The following ZNF69 variants were observed in gnomAD, a reference collection of about 807,000 sequenced individuals.
ZNF69 encodes the protein ZNF3.
A neutral mutation model predicts 50.9 loss-of-function variants in ZNF69; 47 were observed. That is an observed-to-expected ratio of 0.92 (90% CI 0.73 to 1.18). The LOEUF is 1.18. Among genes scored for constraint, ZNF69 ranks in the 50% most tolerant of loss-of-function variants. The pLI, the probability that ZNF69 is intolerant of heterozygous loss-of-function variation, is 0.00. For missense variants in ZNF69, 717 were observed against 675.1 expected, an observed-to-expected ratio of 1.06 and a Z score of -0.69; for synonymous variants, 216 against 223.1, an observed-to-expected ratio of 0.97 and a Z score of 0.29.
rs1277465777 is a variant in ZNF69, at chr19:11,905,476, A to T, written c.1079A>T (p.Tyr360Phe). The change falls in exon 4 of 4, where the codon TAT (tyrosine) becomes TTT (phenylalanine). Residue 360 changes from tyrosine to phenylalanine, a missense_variant. Physicochemically the swap from Tyr to Phe is conservative, Grantham distance 22. Transcript: ENST00000429654. ...HIRMHSGERPYECKICGKGFC... is the reference protein window; with the variant it reads ...HIRMHSGERPFECKICGKGFC... Reference sequence around the variant, plus strand: ...AGAATGCACTCTGGAGAAAGACCTTATGAATGTAAGATATGTGGGAAAGGC... The same window carrying T: ...AGAATGCACTCTGGAGAAAGACCTTTTGAATGTAAGATATGTGGGAAAGGC... 1.9e-6 allele frequency: 3 copies of T among 1,614,254 alleles called. No homozygotes were observed. The highest frequency in any genetic ancestry group is 2.5e-6 in the Non-Finnish European group (3 of 1,180,046).
At chr19:11,957,091 GT>G in the ZNF69 span, among the ~76,000 whole-genome samples, 599 of 146,686 alleles carry the variant, frequency 4.1e-3, 3 homozygotes, top group Middle Eastern at 0.034. Context: ...TAAGAAATAA[GT>G]TTTTTTTTTT....
At chr19:11,939,387 T>G in the ZNF69 span, among the ~76,000 whole-genome samples, 1 of 152,230 alleles carries the variant, frequency 6.6e-6, no homozygotes, top group Non-Finnish European at 1.5e-5. Context: ...TAATCCATCT[T>G]GAATTAATTT....
chr19:11,896,481 G>A lies in ZNF69; in HGVS notation c.64-7092G>A, dbSNP rs374202902. 4.6e-5 allele frequency among the ~76,000 whole-genome samples: 7 copies of A among 152,140 alleles called. No homozygotes were observed. In the South Asian group the frequency reaches 1.5e-3, roughly 32 times the overall value. ...TTGTGAAGTCCATGTTAAGGGAGCT[G>A]GCAGATCTAGTGTCTGGTAAGGGCC... On this transcript the variant is annotated intron_variant, in intron 1 of 3. Coordinates refer to ENST00000429654, the MANE Select transcript of ZNF69 (RefSeq NM_001364730.1).
At chr19:11,978,148 A>T in the ZNF69 span, 1 of 1,613,532 alleles carries the variant, frequency 6.2e-7, no homozygotes. Flanking sequence ...AATGAAATTA[A>T]AGAAGACAGT....
At chr19:11,965,008 T>C in the ZNF69 span, 1 of 487,222 alleles carries the variant, frequency 2.1e-6, no homozygotes, top group Non-Finnish European at 3.8e-6. Context: ...GCCCTGCCCA[T>C]TGTTTATCCA....
the ZNF69 span, among the ~76,000 whole-genome samples, chr19:11,974,093 C>T: frequency 1.1e-5 from 1 of 89,046 alleles, no homozygotes; most frequent in East Asian, 2.8e-4. Flanking sequence ...TTCTTTCTTT[C>T]TTTCTTTCTT....
the ZNF69 span, chr19:11,979,526 A>T: frequency 2.5e-6 from 4 of 1,602,734 alleles, no homozygotes; most frequent in Non-Finnish European, 3.4e-6. Context: ...AAAAACTCAC[A>T]CTGCAGAGAA....
chr19:11,933,963 A>G, the ZNF69 span, among the ~76,000 whole-genome samples: 1 of 147,756 alleles, frequency 6.8e-6, no homozygotes, highest in Non-Finnish European at 1.5e-5. Context: ...CTTGTGAGCC[A>G]TCATGTCCGG....
At chr19:11,921,795 G>A in the ZNF69 span, among the ~76,000 whole-genome samples, 1 of 152,078 alleles carries the variant, frequency 6.6e-6, no homozygotes, top group African/African-American at 2.4e-5. Flanking sequence ...GAGCCACTGC[G>A]CCCGGCCCTG....
the ZNF69 span, among the ~76,000 whole-genome samples, chr19:11,937,364 G>A: frequency 2.0e-5 from 3 of 152,276 alleles, no homozygotes; most frequent in African/African-American, 7.2e-5. Context: ...TTATTACAGA[G>A]ACGGGGTCTC....
intron 1 of ZNF69, among the ~76,000 whole-genome samples, chr19:11,895,691 G>A (rs937860941): frequency 3.3e-5 from 5 of 152,110 alleles, no homozygotes; most frequent in East Asian, 1.9e-4. Context: ...GTTTTTTTCC[G>A]TTATGAGAAA....
At chr19:11,896,725 AAT>A (rs1308233475) in intron 1 of ZNF69, among the ~76,000 whole-genome samples, 1 of 152,098 alleles carries the variant, frequency 6.6e-6, no homozygotes, top group Non-Finnish European at 1.5e-5. Context: ...GAGTGATGCA[AAT>A]ATTCATGCCG....
downstream of ZNF69, among the ~76,000 whole-genome samples, chr19:11,919,041 G>A (rs191771936): frequency 2.0e-5 from 3 of 151,770 alleles, no homozygotes; most frequent in Non-Finnish European, 4.4e-5. Context: ...GACTACAGGC[G>A]CCCGCCACCA....
At chr19:11,901,878 G>A (rs567179606) in intron 1 of ZNF69, among the ~76,000 whole-genome samples, 6 of 151,904 alleles carry the variant, frequency 3.9e-5, no homozygotes, top group South Asian at 2.1e-4. Context: ...TAGTTTGACA[G>A]ATCTACATAA....
chr19:11,924,595 A>G, the ZNF69 span, among the ~76,000 whole-genome samples: 2 of 152,206 alleles, frequency 1.3e-5, no homozygotes, highest in East Asian at 3.9e-4. Flanking sequence ...TGCTGGTGAA[A>G]ATGAAGATCT....
the ZNF69 span, among the ~76,000 whole-genome samples, chr19:11,947,797 T>G: frequency 6.6e-6 from 1 of 152,180 alleles, no homozygotes. Context: ...CTTGAGGCCA[T>G]CAGTTCCAGA....
the ZNF69 span, chr19:11,978,981 A>G: frequency 6.2e-7 from 1 of 1,614,216 alleles, no homozygotes; most frequent in East Asian, 2.2e-5. Context: ...CACGTATCCC[A>G]GTTCCCTTCG....
At chr19:11,965,223 T>G in the ZNF69 span, 1 of 1,613,936 alleles carries the variant, frequency 6.2e-7, no homozygotes, top group South Asian at 1.1e-5. Flanking sequence ...TGCGTGTGCA[T>G]AGCCGGTTGT....
the ZNF69 span, among the ~76,000 whole-genome samples, chr19:11,923,205 C>T: frequency 2.0e-5 from 3 of 152,194 alleles, no homozygotes; most frequent in African/African-American, 7.2e-5. Flanking sequence ...CCTTTGATCC[C>T]ATTTTGCAGC....
Sources: gnomAD v4.1 joint callset for allele counts (sites outside exome capture counted in the v4.1 genomes callset) on GRCh38, gnomAD v4.1.1 for gene constraint, MANE v1.5 for transcripts, NCBI Gene and HGNC (gene_info 2026-07-23, HGNC 2026-07-21) for gene names.